TCERG1L: variants seen among roughly 807,000 people sequenced by gnomAD.
The protein encoded by TCERG1L is transcription elongation regulator 1 like, also known as transcription elongation regulator 1-like protein.
TCERG1L carries 37 observed loss-of-function variants against 56.3 expected under a neutral mutation model. The ratio of observed to expected loss-of-function variants is 0.66; its 90% CI spans 0.51 to 0.87. TCERG1L has a LOEUF of 0.87. TCERG1L is among the 40% of genes least tolerant of loss of function. TCERG1L has a pLI of 0.00. For missense variants in TCERG1L, 799 were observed against 774.2 expected (o/e 1.03, Z -0.38); for synonymous variants, 324 against 326.3 (o/e 0.99, Z 0.08).
intron 3 of TCERG1L, among the ~76,000 whole-genome samples, chr10:131,285,233 C>T (rs59123388): frequency 0.074 from 11,233 of 151,774 alleles, 529 homozygotes; most frequent in African/African-American, 0.12. Context: ...CAAAAATTAG[C>T]CAGGTGTGGT....
At chr10:131,159,059 C>T (rs961219680) in intron 6 of TCERG1L, among the ~76,000 whole-genome samples, 10 of 152,228 alleles carry the variant, frequency 6.6e-5, no homozygotes, top group African/African-American at 2.4e-4. Flanking sequence ...AAGACCTTTC[C>T]CTGCTTTACA....
intron 9 of TCERG1L, among the ~76,000 whole-genome samples, chr10:131,112,291 T>G (rs10829906): frequency 0.19 from 27,346 of 141,816 alleles, 5,959 homozygotes; most frequent in Middle Eastern, 0.31. Context: ...ACTCCCACAC[T>G]GTCCTGGAGA....
rs531641790 is a variant in TCERG1L at position 131,254,524 on chromosome 10, G to A, written c.856+5735C>T. Reference sequence around the variant, plus strand: ...CAAGGGCAGACTTGGCCTGACAAAGGTCCTTGAGAAGTGAACTCCAGCTCC... The same window carrying A: ...CAAGGGCAGACTTGGCCTGACAAAGATCCTTGAGAAGTGAACTCCAGCTCC... On this transcript the variant is annotated intron_variant, in intron 4 of 11. Coordinates refer to ENST00000368642, the MANE Select transcript of TCERG1L (RefSeq NM_174937.4). Among the ~76,000 whole-genome samples the A allele has an allele frequency of 1.7e-4, 26 of 152,140 alleles. 1 individual carries two copies. In the South Asian group the frequency reaches 5.2e-3, roughly 30 times the overall value.
chr10:131,278,372 C>G (rs1157955860), intron 3 of TCERG1L, among the ~76,000 whole-genome samples: 5 of 145,434 alleles, frequency 3.4e-5, no homozygotes. Context: ...GAGTCTTGCT[C>G]CGTCACCCAG....
intron 3 of TCERG1L, among the ~76,000 whole-genome samples, chr10:131,295,560 T>C (rs964673304): frequency 1.3e-5 from 2 of 152,356 alleles, no homozygotes; most frequent in African/African-American, 2.4e-5. Context: ...AAATATGATG[T>C]TGAACATTTT....
chr10:131,284,376 T>A (rs766849926), intron 3 of TCERG1L, among the ~76,000 whole-genome samples: 36 of 151,848 alleles, frequency 2.4e-4, no homozygotes, highest in Non-Finnish European at 4.4e-4. Context: ...ACAAAAATAG[T>A]ACATTAAAAA....
At chr10:131,193,676 T>C (rs1258921814) in intron 4 of TCERG1L, among the ~76,000 whole-genome samples, 1 of 152,236 alleles carries the variant, frequency 6.6e-6, no homozygotes, top group Non-Finnish European at 1.5e-5. Context: ...TTCTGGCTTC[T>C]GTACTCTGTT....
In TCERG1L at chr10:131,260,773, T is replaced by C. The variant is rs567645600; in HGVS notation, c.671-329A>G. Among the ~76,000 whole-genome samples, 5 of 152,206 alleles carry C rather than the reference T, an allele frequency of 3.3e-5. No individual in the cohort carries two copies. In the South Asian group the frequency reaches 6.2e-4, roughly 19 times the overall value. On this transcript the variant is annotated intron_variant, in intron 3 of 11. Transcript: ENST00000368642. The surrounding 1 kb of genome is among the most constrained non-coding windows in gnomAD (Gnocchi z 5.8). ...TTGTCCCTGGTGCCAGTGTGTTAAG[T>C]ACCTAATCAGAAGTGACCATGAACA...
intron 11 of TCERG1L, 26 bp downstream of exon 11, chr10:131,098,280 C>A: frequency 6.5e-7 from 1 of 1,546,258 alleles, no homozygotes; most frequent in South Asian, 1.2e-5. Flanking sequence ...CCCCAGAAAT[C>A]ATCCGGTATA....
chr10:131,285,507 A>AC (rs1491168180), intron 3 of TCERG1L, among the ~76,000 whole-genome samples: 1 of 21,620 alleles, frequency 4.6e-5, no homozygotes. Flanking sequence ...AAAGAAAGAA[A>AC]GAAAGAAAGA....
At chr10:131,130,805 G>A (rs1277500326) in intron 8 of TCERG1L, among the ~76,000 whole-genome samples, 1 of 152,000 alleles carries the variant, frequency 6.6e-6, no homozygotes, top group Non-Finnish European at 1.5e-5. Context: ...ATCAGTGGTG[G>A]GGGAGTCACT....
intron 9 of TCERG1L, among the ~76,000 whole-genome samples, chr10:131,114,763 T>G (rs2133388477): frequency 6.6e-6 from 1 of 152,344 alleles, no homozygotes; most frequent in South Asian, 2.1e-4. Context: ...AAATTGGGCC[T>G]GGCTCATTTC....
rs1315046858 is a variant in TCERG1L at position 131,113,680 on chromosome 10, G to A, written c.1395+3119C>T. Among the ~76,000 whole-genome samples the A allele has an allele frequency of 1.4e-5, 2 of 141,818 alleles. 1 individual carries two copies. The highest frequency in any genetic ancestry group is 3.2e-5 in the Non-Finnish European group (2 of 63,120). 93.0% of individuals were successfully genotyped at this position (141,818 alleles called of 152,430 possible). ...CACCACAGTGCCAGCCAGGGTCCCCGAGGCTGGGCATTGCTGGGAAGCTGG... is the reference window on the plus strand; with the variant it reads ...CACCACAGTGCCAGCCAGGGTCCCCAAGGCTGGGCATTGCTGGGAAGCTGG... On this transcript the variant is annotated intron_variant, in intron 9 of 11. Transcript: ENST00000368642.
intron 8 of TCERG1L, among the ~76,000 whole-genome samples, chr10:131,119,739 A>T (rs537363923): frequency 3.0e-4 from 46 of 152,336 alleles, no homozygotes; most frequent in African/African-American, 1.1e-3. Flanking sequence ...ACAAAAAGTA[A>T]ATTCTAATAC....
intron 4 of TCERG1L, among the ~76,000 whole-genome samples, chr10:131,215,703 C>T (rs993521971): frequency 6.6e-6 from 1 of 152,084 alleles, no homozygotes; most frequent in African/African-American, 2.4e-5. Flanking sequence ...GGAAGTCAGC[C>T]CTCTGGAGCT....
rs1046980919 is a variant in TCERG1L, at chr10:131,137,403, G to A, written c.1190-2955C>T. Among the ~76,000 whole-genome samples the A allele has an allele frequency of 2.6e-5, 4 of 152,236 alleles. No homozygotes were observed. The East Asian group carries it at 5.8e-4, about 22-fold the overall frequency. ...GGGCCTTCTGGCCGTCTCATTCGGA[G>A]GCACCGGGGCCTCACAGAGGCTCTC... is the stretch of plus-strand genomic sequence containing the variant. On this transcript the variant is annotated intron_variant, in intron 7 of 11. Coordinates refer to ENST00000368642, the MANE Select transcript of TCERG1L (RefSeq NM_174937.4).
chr10:131,146,745 C>A (rs1845800177), intron 6 of TCERG1L, 85 bp from the exon 7 acceptor site: 2 of 1,453,114 alleles, frequency 1.4e-6, no homozygotes, highest in Non-Finnish European at 1.9e-6. Context: ...CTGAAAAAGC[C>A]CCTCAGGACC....
intron 4 of TCERG1L, among the ~76,000 whole-genome samples, chr10:131,185,117 G>GATA (rs1845221927): frequency 6.6e-6 from 1 of 151,552 alleles, no homozygotes; most frequent in Admixed American, 6.6e-5. Flanking sequence ...ACATATAGAT[G>GATA]TACATATAGA....
At chr10:131,273,453 C>T (rs1396875570) in intron 3 of TCERG1L, among the ~76,000 whole-genome samples, 1 of 152,216 alleles carries the variant, frequency 6.6e-6, no homozygotes, top group African/African-American at 2.4e-5. Context: ...AATGTGGAGC[C>T]TGAATCTCTG....
Sources: gnomAD v4.1 joint callset for allele counts (sites outside exome capture counted in the v4.1 genomes callset) on GRCh38, gnomAD v4.1.1 for gene constraint, Gnocchi (gnomAD v3.1) non-coding constraint, MANE v1.5 for transcripts, NCBI Gene and HGNC (gene_info 2026-07-23, HGNC 2026-07-21) for gene names.